PDE3A: variants seen among roughly 807,000 people sequenced by gnomAD.
PDE3A encodes cGMP-inhibited 3',5'-cyclic phosphodiesterase 3A.
In PDE3A, 43 loss-of-function variants were observed where a neutral mutation model predicts 98.3. That is an observed-to-expected ratio of 0.44 (90% CI 0.34 to 0.56). The LOEUF is 0.56. Ranked by LOEUF, PDE3A falls within the 20% of genes least tolerant of loss-of-function variation. PDE3A has a pLI of 0.01. For missense variants in PDE3A, 1,427 were observed against 1,440.7 expected, an observed-to-expected ratio of 0.99 and a Z score of 0.15; for synonymous variants, 663 against 567.9, an observed-to-expected ratio of 1.17 and a Z score of -2.38.
intron 1 of PDE3A, among the ~76,000 whole-genome samples, chr12:20,404,257 T>G (rs1591893713): frequency 6.6e-6 from 1 of 152,158 alleles, no homozygotes; most frequent in East Asian, 1.9e-4. Flanking sequence ...GTTTGGTTTA[T>G]AACTTTATCT....
chr12:20,490,248 C>T (rs1945805803), intron 1 of PDE3A, among the ~76,000 whole-genome samples: 1 of 152,162 alleles, frequency 6.6e-6, no homozygotes, highest in African/African-American at 2.4e-5. Flanking sequence ...GAAAACATAT[C>T]TGTTATTAGT....
intron 5 of PDE3A, among the ~76,000 whole-genome samples, chr12:20,622,153 G>A (rs1944152195): frequency 6.6e-6 from 1 of 152,042 alleles, no homozygotes; most frequent in Admixed American, 6.6e-5. Flanking sequence ...AAGGAAAACT[G>A]CCCACTTCCC....
At chr12:20,427,209 G>T (rs1373315976) in intron 1 of PDE3A, among the ~76,000 whole-genome samples, 4 of 152,138 alleles carry the variant, frequency 2.6e-5, no homozygotes, top group African/African-American at 9.7e-5. Context: ...TATTGTGTTG[G>T]GAACTGATCA....
rs190831362 is a variant in PDE3A at position 20,657,661 on chromosome 12, T to A, written c.3184+3456T>A. The stretch of plus-strand genomic sequence containing the variant: ...TTCAAAAGGTTCCAGTACAGAACAA[T>A]TTGGCTCCCAATACAGGCATGTTTT... On this transcript the variant is annotated intron_variant, in intron 15 of 15. Coordinates refer to ENST00000359062, the MANE Select transcript of PDE3A (RefSeq NM_000921.5). 3.2e-3 allele frequency among the ~76,000 whole-genome samples: 482 copies of A among 152,298 alleles called. 5 individuals are homozygous for A. The highest frequency in any genetic ancestry group is 0.011 in the African/African-American group (442 of 41,566).
intron 2 of PDE3A, among the ~76,000 whole-genome samples, chr12:20,577,839 T>C (rs1268575937): frequency 6.6e-6 from 1 of 152,136 alleles, no homozygotes; most frequent in East Asian, 1.9e-4. Flanking sequence ...GGGAGAAGCA[T>C]TTGTTTTCTT....
chr12:20,489,344 C>T (rs146008330), intron 1 of PDE3A, among the ~76,000 whole-genome samples: 3 of 152,202 alleles, frequency 2.0e-5, no homozygotes, highest in African/African-American at 7.2e-5. Context: ...GCCAGTAAGC[C>T]TGTCAGGCAG....
chr12:20,650,613 T>C lies in PDE3A; in HGVS notation c.2925+13T>C. On this transcript the variant is annotated intron_variant, in intron 14 of 15. Transcript: ENST00000359062. The stretch of plus-strand genomic sequence containing the variant: ...ATTTTATGAACAGGTAACTGACCAC[T>C]GTTTAATACAGCTTAATCTGTACTT... 6.3e-7 allele frequency: 1 copy of C among 1,578,532 alleles called. No individual in the cohort carries two copies. Among genetic ancestry groups the C allele is most frequent in the East Asian group, 2.2e-5 (1 of 44,546 alleles).
chr12:20,413,006 T>C (rs1218033086), intron 1 of PDE3A, among the ~76,000 whole-genome samples: 1 of 152,196 alleles, frequency 6.6e-6, no homozygotes, highest in Non-Finnish European at 1.5e-5. Flanking sequence ...TAATGAGGCA[T>C]TGAAACACAA....
intron 1 of PDE3A, among the ~76,000 whole-genome samples, chr12:20,503,886 G>A (rs533141691): frequency 7.2e-5 from 11 of 152,104 alleles, no homozygotes; most frequent in African/African-American, 2.6e-4. Context: ...ACAATTAGAA[G>A]ATATGAATCA....
intron 1 of PDE3A, among the ~76,000 whole-genome samples, chr12:20,408,174 C>T (rs1465118988): frequency 6.6e-6 from 1 of 152,070 alleles, no homozygotes; most frequent in Non-Finnish European, 1.5e-5. Context: ...CCGCTTCAGC[C>T]CCCGAAAGTG....
At chr12:20,444,084 T>C (rs553777079) in intron 1 of PDE3A, among the ~76,000 whole-genome samples, 1 of 152,284 alleles carries the variant, frequency 6.6e-6, no homozygotes, top group South Asian at 2.1e-4. Context: ...TTCCTATTCA[T>C]AGTAGTGTGG....
Position 20,369,204 on chromosome 12 carries a change from T to TGC in PDE3A, c.-80_-79insCG. The TGC allele has an allele frequency of 2.3e-6, 2 of 872,842 alleles. No homozygotes were observed. The highest frequency in any genetic ancestry group is 1.7e-5 in the South Asian group (1 of 58,222). The allele number at this position is 872,842 out of a possible 1,614,324, so 54.1% of individuals were successfully genotyped here. A position where few individuals can be genotyped will look rare whatever the true frequency, so the allele number is the denominator to read the frequency against. ...GAGCGTGCGTGCGTGTGTGTGTGTG[T>TGC]GTGTGTGCGCGCGCGCGCGTGGGTC... On this transcript the variant is annotated 5_prime_UTR_variant, in exon 1 of 16. Coordinates refer to ENST00000359062, the MANE Select transcript of PDE3A (RefSeq NM_000921.5).
chr12:20,431,593 AAAC>A (rs1233238305), intron 1 of PDE3A, among the ~76,000 whole-genome samples: 1 of 120,172 alleles, frequency 8.3e-6, no homozygotes, highest in South Asian at 3.3e-4. Context: ...CTAGTCAGGA[AAAC>A]ACACACACAC....
intron 1 of PDE3A, among the ~76,000 whole-genome samples, chr12:20,453,229 A>G (rs1220786140): frequency 7.1e-6 from 1 of 141,718 alleles, no homozygotes; most frequent in South Asian, 2.2e-4. Flanking sequence ...GCTGGAGTGC[A>G]GTGGCAAGAT....
At chr12:20,592,483 A>G (rs1285142228) in intron 2 of PDE3A, among the ~76,000 whole-genome samples, 1 of 152,088 alleles carries the variant, frequency 6.6e-6, no homozygotes, top group Admixed American at 6.5e-5. Context: ...TTTTTCCTTC[A>G]GTGTTCTAGT....
chr12:20,516,446 C>T (rs1802103979), intron 1 of PDE3A, among the ~76,000 whole-genome samples: 1 of 152,150 alleles, frequency 6.6e-6, no homozygotes, highest in Non-Finnish European at 1.5e-5. Flanking sequence ...ACCAGTTCTA[C>T]TTCACATATA....
intron 1 of PDE3A, among the ~76,000 whole-genome samples, chr12:20,446,700 C>A (rs1944961254): frequency 6.6e-6 from 1 of 152,148 alleles, no homozygotes; most frequent in African/African-American, 2.4e-5. Flanking sequence ...TTTAAAATTT[C>A]ATTCTAACAG....
chr12:20,588,984 G>A (rs1181687253), intron 2 of PDE3A, among the ~76,000 whole-genome samples: 3 of 152,222 alleles, frequency 2.0e-5, no homozygotes, highest in African/African-American at 2.4e-5. Flanking sequence ...GTGTAGTGGC[G>A]CCATTTGGGC....
intron 1 of PDE3A, among the ~76,000 whole-genome samples, chr12:20,477,577 C>T (rs138483286): frequency 2.0e-3 from 299 of 152,226 alleles, no homozygotes; most frequent in African/African-American, 6.9e-3. Context: ...GCTTGATAAA[C>T]GGATTTTTAA....
Sources: gnomAD v4.1 joint callset for allele counts (sites outside exome capture counted in the v4.1 genomes callset) on GRCh38, gnomAD v4.1.1 for gene constraint, MANE v1.5 for transcripts, NCBI Gene and HGNC (gene_info 2026-07-23, HGNC 2026-07-21) for gene names.